Variants in METTL24 observed in about 807,000 individuals in gnomAD.
METTL24 encodes probable methyltransferase-like protein 24.
A neutral mutation model predicts 32.7 loss-of-function variants in METTL24; 29 were observed. That is an observed-to-expected ratio of 0.89 (90% confidence interval 0.66 to 1.21). METTL24 has a LOEUF of 1.21. METTL24 is among the 50% of genes most tolerant of loss of function. The pLI, the probability that METTL24 is intolerant of heterozygous loss-of-function variation, is 0.00. For missense variants in METTL24, 439 were observed against 468.1 expected, an observed-to-expected ratio of 0.94 and a Z score of 0.57; for synonymous variants, 163 against 179.5, an observed-to-expected ratio of 0.91 and a Z score of 0.73.
chr6:110,285,048 T>C (rs147926664), intron 4 of METTL24, among the ~76,000 whole-genome samples: 19 of 152,378 alleles, frequency 1.2e-4, no homozygotes, highest in Non-Finnish European at 2.5e-4. Context: ...ATTTTCTGAC[T>C]CTGAAGTGCA....
intron 2 of METTL24, among the ~76,000 whole-genome samples, chr6:110,318,678 G>GAAAGA (rs974773214): frequency 1.4e-5 from 2 of 145,304 alleles, no homozygotes; most frequent in Non-Finnish European, 1.5e-5. Context: ...AAGAAAGAAA[G>GAAAGA]AAAGAAAAGA....
intron 1 of METTL24, among the ~76,000 whole-genome samples, chr6:110,340,806 C>A (rs68136775): frequency 6.6e-6 from 1 of 152,138 alleles, no homozygotes; most frequent in Non-Finnish European, 1.5e-5. Context: ...AGCATTCCCC[C>A]GTACACAGCC....
chr6:110,253,536 G>T (rs1778322887), intron 4 of METTL24, among the ~76,000 whole-genome samples: 1 of 152,038 alleles, frequency 6.6e-6, no homozygotes, highest in African/African-American at 2.4e-5. Context: ...GTGAGTTCTA[G>T]AAATTAATAT....
At chr6:110,269,304 T>C (rs1463990318) in intron 4 of METTL24, among the ~76,000 whole-genome samples, 2 of 152,240 alleles carry the variant, frequency 1.3e-5, no homozygotes, top group Non-Finnish European at 2.9e-5. Context: ...CATATAATTC[T>C]GAAATCTGTT....
intron 4 of METTL24, among the ~76,000 whole-genome samples, chr6:110,256,158 C>A (rs1778378977): frequency 6.6e-6 from 1 of 152,102 alleles, no homozygotes; most frequent in East Asian, 1.9e-4. Context: ...TGTGTGCACA[C>A]ACATGTGCAT....
At chr6:110,319,880 A>G (rs1003258544) in intron 2 of METTL24, among the ~76,000 whole-genome samples, 5 of 152,146 alleles carry the variant, frequency 3.3e-5, no homozygotes, top group Non-Finnish European at 7.4e-5. Context: ...GTCTCATGCC[A>G]TGCTGTCCTA....
chr6:110,273,946 C>T (rs541473079), intron 4 of METTL24, among the ~76,000 whole-genome samples: 2 of 152,296 alleles, frequency 1.3e-5, no homozygotes, highest in South Asian at 2.1e-4. Flanking sequence ...CAGCACAATT[C>T]GCAACTGTAA....
intron 4 of METTL24, among the ~76,000 whole-genome samples, chr6:110,269,600 G>A (rs972469503): frequency 6.6e-6 from 1 of 152,064 alleles, no homozygotes; most frequent in African/African-American, 2.4e-5. Context: ...AAATATTGTG[G>A]TCATTGTATT....
At chr6:110,338,703 C>A (rs1252481903) in intron 1 of METTL24, among the ~76,000 whole-genome samples, 1 of 152,172 alleles carries the variant, frequency 6.6e-6, no homozygotes, top group Non-Finnish European at 1.5e-5. Context: ...TAAGTATTTA[C>A]ATAGCAGTTA....
chr6:110,345,630 C>T (rs1056227850), intron 1 of METTL24, among the ~76,000 whole-genome samples: 2 of 152,158 alleles, frequency 1.3e-5, no homozygotes, highest in African/African-American at 4.8e-5. Context: ...TTTGCAGGAA[C>T]ATGAAGGGAG....
At chr6:110,300,309 T>G (rs1195508561) in intron 3 of METTL24, among the ~76,000 whole-genome samples, 1 of 152,104 alleles carries the variant, frequency 6.6e-6, no homozygotes, top group Non-Finnish European at 1.5e-5. Flanking sequence ...TACGGAGGGA[T>G]GACTGACTAT....
chr6:110,292,415 T>C (rs1483716026), intron 4 of METTL24, among the ~76,000 whole-genome samples: 1 of 152,226 alleles, frequency 6.6e-6, no homozygotes, highest in African/African-American at 2.4e-5. Flanking sequence ...TCTCTTAATA[T>C]GTCCAAGTTT....
chr6:110,260,895 A>G (rs548333673), intron 4 of METTL24, among the ~76,000 whole-genome samples: 1 of 152,132 alleles, frequency 6.6e-6, no homozygotes, highest in African/African-American at 2.4e-5. Context: ...GAAATAAAAT[A>G]CTTTACAGAC....
At chr6:110,351,334 A>C (rs1290133614) in intron 1 of METTL24, among the ~76,000 whole-genome samples, 1 of 152,228 alleles carries the variant, frequency 6.6e-6, no homozygotes, top group Non-Finnish European at 1.5e-5. Flanking sequence ...GTATATCCAA[A>C]GTGCCAACTT....
At position 110,298,963 on chromosome 6, in the gene METTL24, T is replaced by G. The variant is rs570406089; in HGVS notation, c.745A>C (p.Arg249=). ...TCATTCAAAATGCTTCCCAGTTTTC[T>G]GGTGTTGCTATGTGGTTTTTGGGCA... ...VAAQKPHSNT[R]KLGSILNEFG... is the part of the protein sequence containing the mutation. The change falls in exon 4 of 5, where the codon AGA becomes CGA. Residue 249 remains arginine, a synonymous_variant. Transcript: ENST00000338882. 1 of 1,614,216 alleles carries G rather than the reference T, an allele frequency of 6.2e-7. No individual in the cohort carries two copies. The highest frequency in any genetic ancestry group is 1.3e-5 in the African/African-American group (1 of 75,070).
At chr6:110,338,177 C>T (rs1234051555) in intron 1 of METTL24, among the ~76,000 whole-genome samples, 2 of 152,132 alleles carry the variant, frequency 1.3e-5, no homozygotes, top group Non-Finnish European at 2.9e-5. Context: ...CATACTCTTT[C>T]TTTGGGTGGA....
chr6:110,320,511 C>G (rs1317493600), intron 2 of METTL24, among the ~76,000 whole-genome samples: 2 of 152,168 alleles, frequency 1.3e-5, no homozygotes, highest in African/African-American at 4.8e-5. Flanking sequence ...CATCAAAGCA[C>G]AGAACCTTAT....
chr6:110,299,796 G>A (rs1442726072), intron 3 of METTL24, among the ~76,000 whole-genome samples: 2 of 152,056 alleles, frequency 1.3e-5, no homozygotes, highest in African/African-American at 4.8e-5. Context: ...CACACCATAC[G>A]GAAAATAATA....
At chr6:110,309,152 T>C (rs1454441599) in intron 3 of METTL24, among the ~76,000 whole-genome samples, 2 of 152,026 alleles carry the variant, frequency 1.3e-5, no homozygotes, top group Admixed American at 6.6e-5. Flanking sequence ...ACAAAACAAA[T>C]AAAATGAACT....
Sources: allele counts gnomAD v4.1 joint callset (sites outside exome capture counted in the v4.1 genomes callset), GRCh38; gene constraint gnomAD v4.1.1; transcripts MANE v1.5; gene names NCBI Gene and HGNC (gene_info 2026-07-23, HGNC 2026-07-21).